Variants in TCF20 observed in about 807,000 individuals in gnomAD.
TCF20 encodes SPRE-binding protein.
TCF20 carries 3 observed loss-of-function variants against 148.6 expected under a neutral mutation model. The ratio of observed to expected loss-of-function variants is 0.02; its 90% CI spans 0.01 to 0.05. The LOEUF (loss-of-function observed/expected upper bound fraction) is 0.05, where lower values mean the gene tolerates loss of function less well. Ranked by LOEUF, TCF20 falls within the 10% of genes least tolerant of loss-of-function variation. The pLI is 1.00. For synonymous variants in TCF20, 1,049 were observed against 909.5 expected (o/e 1.15, Z -2.76); for missense variants, 2,350 against 2,429.3 (o/e 0.97, Z 0.69).
intron 1 of TCF20, among the ~76,000 whole-genome samples, chr22:42,312,533 C>T (rs1927554702): frequency 6.6e-6 from 1 of 152,138 alleles, no homozygotes; most frequent in Admixed American, 6.5e-5. Flanking sequence ...AGAATCCACA[C>T]TACCCACAAA....
chr22:42,273,360 CAAA>C (rs35166029), upstream of TCF20, among the ~76,000 whole-genome samples: 16 of 61,268 alleles, frequency 2.6e-4, no homozygotes, highest in East Asian at 1.2e-3. Context: ...AACTCCGTCT[CAAA>C]AAAAAAAAAA....
upstream of TCF20, among the ~76,000 whole-genome samples, chr22:42,284,821 A>G (rs1200376205): frequency 6.6e-6 from 1 of 152,002 alleles, no homozygotes; most frequent in African/African-American, 2.4e-5. Context: ...GGCGCTTCAC[A>G]CCCCCTTCCT....
intron 1 of TCF20, among the ~76,000 whole-genome samples, chr22:42,309,757 T>C (rs1035453728): frequency 1.2e-4 from 19 of 152,244 alleles, no homozygotes; most frequent in Non-Finnish European, 2.2e-4. Context: ...TGGCTTTTCA[T>C]GTCAGCTGCC....
At chr22:42,251,520 T>TTGG (rs1555947166) in intron 1 of TCF20, among the ~76,000 whole-genome samples, 2 of 115,810 alleles carry the variant, frequency 1.7e-5, no homozygotes, top group Non-Finnish European at 3.7e-5. Context: ...TTTTTTTTTT[T>TTGG]GAGACAGAAT....
Position 42,213,942 on chromosome 22 carries a change from C to T in TCF20, c.1364G>A (p.Ser455Asn). The change falls in exon 2 of 6, where the codon AGT becomes AAT. Residue 455 changes from serine (S) to asparagine (N), a missense_variant. Around this residue, in one of 7 missense-constraint regions of TCF20, gnomAD observed 1,641 missense variants for 1,662.6 expected, o/e 0.99. Transcript: ENST00000677622. ...EKRLTDPGLSSLSALSTQVAN... is the reference protein window; with the variant it reads ...EKRLTDPGLSNLSALSTQVAN... ...CACTTGAGTACTCAGAGCACTCAAACTACTCAACCCAGGATCTGTCAGTCG... is the reference window on the plus strand; with the variant it reads ...CACTTGAGTACTCAGAGCACTCAAATTACTCAACCCAGGATCTGTCAGTCG... 5 of 1,614,176 alleles carry T rather than the reference C, an allele frequency of 3.1e-6. No homozygotes were observed. The highest frequency in any genetic ancestry group is 1.7e-5 in the Admixed American group (1 of 60,024).
chr22:42,251,652 G>A (rs1360277562), intron 1 of TCF20, among the ~76,000 whole-genome samples: 4 of 151,138 alleles, frequency 2.6e-5, no homozygotes, highest in Non-Finnish European at 4.4e-5. Context: ...ACAGGCACTT[G>A]CAACCATGCC....
upstream of TCF20, among the ~76,000 whole-genome samples, chr22:42,286,885 A>C (rs2147022592): frequency 6.6e-6 from 1 of 152,316 alleles, no homozygotes; most frequent in African/African-American, 2.4e-5. Context: ...TGAACCGTGG[A>C]GGACGTGTGC....
At chr22:42,170,617 ACTC>A (rs1936069114) in intron 3 of TCF20, among the ~76,000 whole-genome samples, 1 of 120,068 alleles carries the variant, frequency 8.3e-6, no homozygotes, top group Admixed American at 1.0e-4. Context: ...ACAGAGCGAG[ACTC>A]CGTCTCAAAA....
intron 1 of TCF20, among the ~76,000 whole-genome samples, chr22:42,302,285 T>TG (rs1310415299): frequency 6.6e-6 from 1 of 151,756 alleles, no homozygotes; most frequent in Admixed American, 6.6e-5. Context: ...TGGCTGCAGC[T>TG]GGGGGTCTCT....
chr22:42,267,299 G>C (rs1454372409), intron 1 of TCF20, among the ~76,000 whole-genome samples: 1 of 152,096 alleles, frequency 6.6e-6, no homozygotes, highest in Non-Finnish European at 1.5e-5. Context: ...AAACCAATTT[G>C]AGTAATCGGA....
In TCF20 at chr22:42,326,919, T is replaced by C. The variant is rs1311562250; in HGVS notation, c.-37+16560A>G. ...TCTGCAGCGGCCACTCACTCAATCC[T>C]TTACCAATCATTTCTGGAATGCCTT... is the stretch of plus-strand genomic sequence containing the variant. On this transcript the variant is annotated intron_variant, in intron 1 of 1. Transcript: ENST00000515426. Among the ~76,000 whole-genome samples, 6 of 152,278 alleles carry C rather than the reference T, an allele frequency of 3.9e-5. No individual in the cohort carries two copies. In the East Asian group the frequency reaches 9.7e-4, roughly 25 times the overall value.
intron 2 of TCF20, among the ~76,000 whole-genome samples, chr22:42,204,401 A>G (rs1938246425): frequency 1.3e-5 from 2 of 152,214 alleles, no homozygotes; most frequent in African/African-American, 4.8e-5. Context: ...AGGCTGAGAC[A>G]GGAGAATCAC....
rs754512239 is a variant in TCF20, at chr22:42,209,848, T to C, written c.5458A>G (p.Thr1820Ala). The change falls in exon 2 of 6, where the codon ACT becomes GCT. Residue 1820 changes from threonine to alanine, a missense_variant. This residue lies in a region of TCF20 where 374 missense variants were observed against 398.3 expected (regional missense o/e 0.94). Transcript: ENST00000677622. The part of the protein sequence containing the change: ...KAATEGSSEK[T>A]VLDSKPSVPT... ...ACGGAGGGCTTCGAGTCCAAAACAG[T>C]CTTTTCACTGCTGCCCTCAGTGGCT... is the stretch of plus-strand genomic sequence containing the variant. 7 of 1,614,126 alleles carry C rather than the reference T, an allele frequency of 4.3e-6. No homozygotes were observed. The highest frequency in any genetic ancestry group is 1.1e-5 in the South Asian group (1 of 91,080).
intron 1 of TCF20, among the ~76,000 whole-genome samples, chr22:42,323,555 G>A (rs1927773828): frequency 6.6e-6 from 1 of 151,802 alleles, no homozygotes; most frequent in South Asian, 2.1e-4. Flanking sequence ...GCCATGCAGG[G>A]CTCCAAAGTG....
intron 3 of TCF20, among the ~76,000 whole-genome samples, chr22:42,171,581 C>T (rs969962801): frequency 2.6e-5 from 4 of 152,146 alleles, no homozygotes; most frequent in Non-Finnish European, 5.9e-5. Context: ...TACTAACCTC[C>T]AAGCCCCTCC....
At chr22:42,177,454 C>T (rs962940188) in intron 3 of TCF20, among the ~76,000 whole-genome samples, 4 of 152,110 alleles carry the variant, frequency 2.6e-5, no homozygotes, top group African/African-American at 9.7e-5. Context: ...TTGAAATTAA[C>T]ACCCACCTTG....
At chr22:42,182,647 A>G (rs1446126708) in intron 2 of TCF20, among the ~76,000 whole-genome samples, 2 of 152,374 alleles carry the variant, frequency 1.3e-5, no homozygotes, top group East Asian at 3.9e-4. Flanking sequence ...AAAGATCCTT[A>G]AAGACAGTTT....
At chr22:42,334,831 C>T (rs79527556) in intron 1 of TCF20, among the ~76,000 whole-genome samples, 7,411 of 152,286 alleles carry the variant, frequency 0.049, 236 homozygotes, top group South Asian at 0.16. Context: ...ACGTGGGCTC[C>T]TCAGTCCTGT....
At chr22:42,231,856 G>A (rs1469975275) in intron 1 of TCF20, among the ~76,000 whole-genome samples, 3 of 151,274 alleles carry the variant, frequency 2.0e-5, no homozygotes, top group Non-Finnish European at 4.4e-5. Context: ...GTGAACCCGG[G>A]AGGCGGAGCT....
Sources: allele counts gnomAD v4.1 joint callset (sites outside exome capture counted in the v4.1 genomes callset), GRCh38; gene constraint gnomAD v4.1.1; regional missense constraint gnomAD v4.1.1; transcripts MANE v1.5; gene names NCBI Gene and HGNC (gene_info 2026-07-23, HGNC 2026-07-21).